The following HHAT variants were observed in gnomAD, a reference collection of about 807,000 sequenced individuals.
HHAT encodes the protein hedgehog acyltransferase, also known as protein-cysteine N-palmitoyltransferase HHAT.
In HHAT, 47 loss-of-function variants were observed where a neutral mutation model predicts 70.8. The ratio of observed to expected loss-of-function variants is 0.66; its 90% CI spans 0.53 to 0.85. The LOEUF (loss-of-function observed/expected upper bound fraction) is 0.85. Among genes scored for constraint, HHAT ranks in the 40% least tolerant of loss-of-function variants. The pLI, the probability that HHAT is intolerant of heterozygous loss-of-function variation, is 0.00. For synonymous variants in HHAT, 228 were observed against 247.6 expected, an observed-to-expected ratio of 0.92 and a Z score of 0.74; for missense variants, 609 against 604.8, an observed-to-expected ratio of 1.01 and a Z score of -0.07.
At chr1:210,517,110 A>G (rs1000760918) in intron 9 of HHAT, among the ~76,000 whole-genome samples, 1 of 152,212 alleles carries the variant, frequency 6.6e-6, no homozygotes, top group African/African-American at 2.4e-5. Context: ...GAGTTCTTAA[A>G]TGTGACACCG....
At chr1:210,640,235 A>G (rs1672717942) in intron 11 of HHAT, among the ~76,000 whole-genome samples, 1 of 152,216 alleles carries the variant, frequency 6.6e-6, no homozygotes, top group Non-Finnish European at 1.5e-5. Context: ...TCATATATCC[A>G]GTGATGTAGA....
intron 7 of HHAT, among the ~76,000 whole-genome samples, chr1:210,456,084 C>T (rs1217031756): frequency 3.3e-5 from 5 of 152,138 alleles, no homozygotes; most frequent in Non-Finnish European, 7.4e-5. Context: ...GCTGTCCCTC[C>T]AGGCCTGTTG....
intron 11 of HHAT, among the ~76,000 whole-genome samples, chr1:210,644,602 CAAAA>C (rs57190952): frequency 0.29 from 17,826 of 62,398 alleles, 1,160 homozygotes; most frequent in South Asian, 0.46. Context: ...GACTCCATCT[CAAAA>C]AAAAAAAAAA....
intron 9 of HHAT, among the ~76,000 whole-genome samples, chr1:210,563,597 C>G (rs1163914277): frequency 6.6e-6 from 1 of 152,194 alleles, no homozygotes; most frequent in Non-Finnish European, 1.5e-5. Context: ...GAGTTGGGAA[C>G]CACTTCTTAT....
At chr1:210,405,540 C>T (rs2092295693) in intron 6 of HHAT, among the ~76,000 whole-genome samples, 2 of 151,206 alleles carry the variant, frequency 1.3e-5, no homozygotes, top group South Asian at 2.1e-4. Context: ...AACACATACC[C>T]ACGCATACGC....
chr1:210,379,481 GT>G (rs1268795237), intron 3 of HHAT, among the ~76,000 whole-genome samples: 2 of 152,244 alleles, frequency 1.3e-5, no homozygotes, highest in African/African-American at 2.4e-5. Flanking sequence ...TTAGGAAAAG[GT>G]TAAGATGGTT....
At chr1:210,567,492 C>T (rs75239951) in intron 9 of HHAT, among the ~76,000 whole-genome samples, 9,035 of 152,180 alleles carry the variant, frequency 0.059, 852 homozygotes, top group African/African-American at 0.2. Flanking sequence ...GAGCAGTCTT[C>T]ATTTATCTCT....
chr1:210,623,859 G>A (rs1669349294), intron 11 of HHAT, among the ~76,000 whole-genome samples, 189 bp downstream of exon 11: 1 of 152,104 alleles, frequency 6.6e-6, no homozygotes, highest in Admixed American at 6.5e-5. Context: ...CCCTGTTTTT[G>A]AGGTACCCCA....
intron 6 of HHAT, 23 bp from the exon 7 acceptor site, chr1:210,418,131 G>C: frequency 6.2e-7 from 1 of 1,612,990 alleles, no homozygotes; most frequent in Non-Finnish European, 8.5e-7. Context: ...ACCATCGAAT[G>C]ACCTCTTTTG....
At chr1:210,508,374 A>G (rs1403185603) in intron 8 of HHAT, among the ~76,000 whole-genome samples, 1 of 152,164 alleles carries the variant, frequency 6.6e-6, no homozygotes, top group East Asian at 1.9e-4. Flanking sequence ...TGGGTAGACC[A>G]CAGTTTTCTT....
intron 1 of HHAT, among the ~76,000 whole-genome samples, chr1:210,336,233 C>T (rs1196361038): frequency 6.6e-6 from 1 of 150,900 alleles, no homozygotes; most frequent in East Asian, 1.9e-4. Context: ...GATCCTGTCA[C>T]TGCAGCCCAC....
chr1:210,331,492 G>T (rs535837700), intron 1 of HHAT, among the ~76,000 whole-genome samples: 106 of 152,304 alleles, frequency 7.0e-4, no homozygotes, highest in African/African-American at 2.4e-3. Flanking sequence ...CCGGTCATTT[G>T]CTATCTCAAA....
At chr1:210,641,749 G>T (rs761354131) in intron 11 of HHAT, among the ~76,000 whole-genome samples, 5 of 152,130 alleles carry the variant, frequency 3.3e-5, no homozygotes, top group South Asian at 2.1e-4. Flanking sequence ...GCACATACGC[G>T]TACCTCATAT....
At chr1:210,651,336 G>A (rs1675092696) in intron 11 of HHAT, among the ~76,000 whole-genome samples, 1 of 152,214 alleles carries the variant, frequency 6.6e-6, no homozygotes, top group Admixed American at 6.5e-5. Context: ...GCAGGGATTT[G>A]ATATGGGGAA....
In HHAT at chr1:210,524,357, G is replaced by A. The variant is rs186189151; in HGVS notation, c.1043+11169G>A. The stretch of plus-strand genomic sequence containing the variant: ...GTGTGAGTGCCGTGTTTGAAGGGCT[G>A]GGCAGGAAGGCCCTTTTTAAGGCAG... On this transcript the variant is annotated intron_variant, in intron 9 of 11. Transcript: ENST00000261458. Among the ~76,000 whole-genome samples, 52 of 152,310 alleles carry A rather than the reference G, an allele frequency of 3.4e-4. 1 individual carries two copies. The highest frequency in any genetic ancestry group is 3.0e-3 in the Admixed American group (46 of 15,302).
chr1:210,588,315 A>G, intron 10 of HHAT: 1 of 468,734 alleles, frequency 2.1e-6, no homozygotes, highest in East Asian at 3.2e-5. Context: ...ATATATAACT[A>G]TAAAAAATGT....
chr1:210,558,940 T>C (rs1335291423), intron 9 of HHAT, among the ~76,000 whole-genome samples: 2 of 152,176 alleles, frequency 1.3e-5, no homozygotes, highest in Non-Finnish European at 2.9e-5. Flanking sequence ...GAGGAGACTG[T>C]GCTTCTAAAG....
chr1:210,425,555 C>A (rs1415161893), intron 7 of HHAT, among the ~76,000 whole-genome samples: 1 of 152,108 alleles, frequency 6.6e-6, no homozygotes, highest in Non-Finnish European at 1.5e-5. Context: ...TAGTCTTCTG[C>A]ATGTGGCTAG....
At chr1:210,507,657 C>A (rs1391861125) in intron 8 of HHAT, among the ~76,000 whole-genome samples, 2 of 151,980 alleles carry the variant, frequency 1.3e-5, no homozygotes, top group African/African-American at 2.4e-5. Flanking sequence ...CCGCACCTGG[C>A]CATGAGAATA....
Sources: gnomAD v4.1 joint callset for allele counts (sites outside exome capture counted in the v4.1 genomes callset) on GRCh38, gnomAD v4.1.1 for gene constraint, MANE v1.5 for transcripts, NCBI Gene and HGNC (gene_info 2026-07-23, HGNC 2026-07-21) for gene names.